Variants in GRM7 observed in about 807,000 individuals in gnomAD.
GRM7 encodes metabotropic glutamate receptor 7.
GRM7 carries 35 observed loss-of-function variants against 84.5 expected under a neutral mutation model. That is an observed-to-expected ratio of 0.41 (90% CI 0.32 to 0.55). The LOEUF (loss-of-function observed/expected upper bound fraction) is 0.55, where lower values mean the gene tolerates loss of function less well. Among genes scored for constraint, GRM7 ranks in the 20% least tolerant of loss-of-function variants. GRM7 has a pLI of 0.19. For synonymous variants in GRM7, 487 were observed against 455.1 expected, an observed-to-expected ratio of 1.07 and a Z score of -0.89; for missense variants, 1,003 against 1,194.6, an observed-to-expected ratio of 0.84 and a Z score of 2.36.
chr3:6,960,756 G>T (rs1035071196), intron 1 of GRM7, among the ~76,000 whole-genome samples: 1 of 152,004 alleles, frequency 6.6e-6, no homozygotes, highest in Non-Finnish European at 1.5e-5. Flanking sequence ...GATGACCCAG[G>T]TTCCCTTATT....
chr3:7,710,086 T>C (rs1402678312), intron 9 of GRM7, among the ~76,000 whole-genome samples: 1 of 152,144 alleles, frequency 6.6e-6, no homozygotes, highest in African/African-American at 2.4e-5. Context: ...GTATGTATAT[T>C]ATGTGTGTAT....
intron 4 of GRM7, among the ~76,000 whole-genome samples, chr3:7,407,554 A>T (rs1249953588): frequency 6.6e-6 from 1 of 152,214 alleles, no homozygotes; most frequent in Non-Finnish European, 1.5e-5. Flanking sequence ...TTTATCCTTC[A>T]TACTGAAAAT....
chr3:7,353,161 T>C (rs1413313986), intron 4 of GRM7, among the ~76,000 whole-genome samples: 1 of 152,040 alleles, frequency 6.6e-6, no homozygotes, highest in East Asian at 1.9e-4. Flanking sequence ...CTTTTTTGCT[T>C]CCAGACCTCT....
chr3:7,036,221 T>C (rs1696380374), intron 1 of GRM7, among the ~76,000 whole-genome samples: 1 of 152,202 alleles, frequency 6.6e-6, no homozygotes, highest in Non-Finnish European at 1.5e-5. Context: ...AAAGAGAGGC[T>C]GATAAATGAA....
At chr3:7,720,571 C>T (rs535976430) in intron 9 of GRM7, among the ~76,000 whole-genome samples, 4 of 152,276 alleles carry the variant, frequency 2.6e-5, no homozygotes, top group Admixed American at 1.3e-4. Flanking sequence ...TCCAAATATC[C>T]GTGCTAACAA....
At chr3:7,458,059 G>A (rs779561977) in intron 6 of GRM7, among the ~76,000 whole-genome samples, 6 of 152,150 alleles carry the variant, frequency 3.9e-5, no homozygotes, top group Non-Finnish European at 7.3e-5. Flanking sequence ...TGCATGGCGT[G>A]GTAAAATGAG....
At chr3:7,582,195 A>C (rs531584341) in intron 8 of GRM7, among the ~76,000 whole-genome samples, 16 of 152,300 alleles carry the variant, frequency 1.1e-4, no homozygotes, top group African/African-American at 3.8e-4. Context: ...TTTTCTATAA[A>C]AAGCAAAAGC....
At chr3:6,909,482 T>C (rs541159985) in intron 1 of GRM7, among the ~76,000 whole-genome samples, 7 of 152,262 alleles carry the variant, frequency 4.6e-5, no homozygotes, top group Admixed American at 4.6e-4. Flanking sequence ...TTTTTCACTA[T>C]CTTTCCAGCA....
intron 1 of GRM7, among the ~76,000 whole-genome samples, chr3:6,939,699 A>G (rs1031865567): frequency 6.6e-6 from 1 of 152,188 alleles, no homozygotes; most frequent in African/African-American, 2.4e-5. Context: ...TACAGACCTC[A>G]AATCCCATCA....
At chr3:7,590,500 G>A (rs528380922) in intron 8 of GRM7, among the ~76,000 whole-genome samples, 10 of 152,166 alleles carry the variant, frequency 6.6e-5, no homozygotes, top group South Asian at 4.2e-4. Context: ...TTTATAAACC[G>A]GAACTTTACC....
At chr3:7,169,208 A>G (rs28502528) in intron 2 of GRM7, among the ~76,000 whole-genome samples, 51,658 of 151,568 alleles carry the variant, frequency 0.34, 9,308 homozygotes, top group African/African-American at 0.47. Context: ...TTTTTTTTTG[A>G]ATTTTTCATC....
At chr3:7,472,175 G>T (rs2124924951) in intron 7 of GRM7, among the ~76,000 whole-genome samples, 1 of 152,254 alleles carries the variant, frequency 6.6e-6, no homozygotes, top group Middle Eastern at 3.4e-3. Context: ...TCTGCCATGA[G>T]TGCAGGCAGC....
chr3:6,984,130 C>T (rs1694310610), intron 1 of GRM7, among the ~76,000 whole-genome samples: 1 of 152,052 alleles, frequency 6.6e-6, no homozygotes, highest in Non-Finnish European at 1.5e-5. Context: ...TTAGGTATTC[C>T]CTGAATTAAG....
chr3:7,635,975 T>G (rs1326704573), intron 8 of GRM7, among the ~76,000 whole-genome samples: 3 of 152,244 alleles, frequency 2.0e-5, no homozygotes, highest in Non-Finnish European at 4.4e-5. Flanking sequence ...TGCAGCTGGC[T>G]GTTTCAAATC....
intron 1 of GRM7, among the ~76,000 whole-genome samples, chr3:7,103,821 TC>T (rs1319883936): frequency 7.6e-5 from 10 of 131,598 alleles, no homozygotes; most frequent in African/African-American, 3.2e-4. Context: ...TTTCTTTCTC[TC>T]TCTCTCTGTC....
chr3:7,214,430 A>G (rs147548975), intron 2 of GRM7, among the ~76,000 whole-genome samples: 1 of 152,220 alleles, frequency 6.6e-6, no homozygotes, highest in Non-Finnish European at 1.5e-5. Flanking sequence ...GACCCCTTAG[A>G]GTTCATCCTA....
intron 7 of GRM7, among the ~76,000 whole-genome samples, chr3:7,536,222 T>C (rs1701237344): frequency 6.6e-6 from 1 of 152,126 alleles, no homozygotes. Flanking sequence ...AGATCACTTA[T>C]CAGTTTGTTA....
chr3:7,467,756 T>G (rs982828156), intron 7 of GRM7, among the ~76,000 whole-genome samples: 8 of 152,156 alleles, frequency 5.3e-5, no homozygotes, highest in Admixed American at 4.6e-4. Flanking sequence ...TAAGACAATT[T>G]ATGTAACATA....
intron 5 of GRM7, among the ~76,000 whole-genome samples, chr3:7,446,523 C>T (rs749106541): frequency 1.2e-4 from 17 of 146,624 alleles, no homozygotes; most frequent in African/African-American, 3.0e-4. Context: ...TGTAGTGGCG[C>T]GATCTCAGCT....
Sources: allele counts gnomAD v4.1 joint callset (sites outside exome capture counted in the v4.1 genomes callset), GRCh38; gene constraint gnomAD v4.1.1; transcripts MANE v1.5; gene names NCBI Gene and HGNC (gene_info 2026-07-23, HGNC 2026-07-21).